HSD11B1: variants seen among roughly 807,000 people sequenced by gnomAD.
The protein encoded by HSD11B1 is hydroxysteroid 11-beta dehydrogenase 1.
A neutral mutation model predicts 22.1 loss-of-function variants in HSD11B1; 15 were observed. The observed-to-expected ratio is 0.68, with a 90% CI of 0.45 to 1.04. The LOEUF (loss-of-function observed/expected upper bound fraction) is 1.04, where lower values mean the gene tolerates loss of function less well. HSD11B1 is among the 50% of genes least tolerant of loss of function. The pLI, the probability that HSD11B1 is intolerant of heterozygous loss-of-function variation, is 0.00. For synonymous variants in HSD11B1, 122 were observed against 125.2 expected (o/e 0.97, Z 0.17); for missense variants, 281 against 357.6 (o/e 0.79, Z 1.73).
intron 4 of HSD11B1, among the ~76,000 whole-genome samples, chr1:209,728,782 T>C (rs923873677): frequency 6.6e-6 from 1 of 152,176 alleles, no homozygotes; most frequent in Non-Finnish European, 1.5e-5. Flanking sequence ...AAAAGAGGAT[T>C]GCTACTCTCA....
At chr1:209,716,451 C>T (rs912021900) in intron 4 of HSD11B1, among the ~76,000 whole-genome samples, 1 of 151,758 alleles carries the variant, frequency 6.6e-6, no homozygotes, top group East Asian at 1.9e-4. Context: ...GAAATATATC[C>T]CATGCTCATG....
At chr1:209,686,422 A>G (rs1332705225) in intron 1 of HSD11B1, 1 of 152,226 alleles carries the variant, frequency 6.6e-6, no homozygotes. Flanking sequence ...GGGCTAAAGA[A>G]AAATTTCAAT....
At chr1:209,688,107 G>T (rs1571861204) in intron 1 of HSD11B1, among the ~76,000 whole-genome samples, 1 of 152,222 alleles carries the variant, frequency 6.6e-6, no homozygotes, top group African/African-American at 2.4e-5. Context: ...GACATGGCTA[G>T]TTCAGTGACT....
chr1:209,730,539 G>A (rs901863952), intron 4 of HSD11B1, among the ~76,000 whole-genome samples: 1 of 152,216 alleles, frequency 6.6e-6, no homozygotes, highest in Admixed American at 6.5e-5. Flanking sequence ...AAAATCTCAG[G>A]GAGATGAGCA....
chr1:209,713,548 A>G (rs1020571380), intron 4 of HSD11B1, among the ~76,000 whole-genome samples: 2 of 152,216 alleles, frequency 1.3e-5, no homozygotes, highest in Non-Finnish European at 2.9e-5. Context: ...TCTTTTAAAT[A>G]TAATCATATA....
At chr1:209,709,789 G>A (rs1342873902) in intron 4 of HSD11B1, among the ~76,000 whole-genome samples, 1 of 152,172 alleles carries the variant, frequency 6.6e-6, no homozygotes, top group Non-Finnish European at 1.5e-5. Context: ...TATTCAAAGG[G>A]AACATGTGTC....
At chr1:209,732,235 T>C (rs979771468) in intron 4 of HSD11B1, among the ~76,000 whole-genome samples, 1 of 152,204 alleles carries the variant, frequency 6.6e-6, no homozygotes, top group African/African-American at 2.4e-5. Context: ...AAGGCTGTCC[T>C]GCAGCCCAAT....
chr1:209,689,813 T>C (rs1271909246), intron 1 of HSD11B1, among the ~76,000 whole-genome samples: 1 of 152,158 alleles, frequency 6.6e-6, no homozygotes, highest in Non-Finnish European at 1.5e-5. Context: ...CTTTAAAAAC[T>C]ACTCAGCTTC....
intron 4 of HSD11B1, among the ~76,000 whole-genome samples, chr1:209,707,392 G>A (rs1477644243): frequency 6.6e-6 from 1 of 152,038 alleles, no homozygotes; most frequent in East Asian, 1.9e-4. Flanking sequence ...GCCTGTCCTG[G>A]TCCTAAGGGA....
Position 209,730,675 on chromosome 1 carries a change from A to G in HSD11B1, c.518-1761A>G, listed in dbSNP as rs1253579486. 2.0e-5 allele frequency among the ~76,000 whole-genome samples: 3 copies of G among 152,352 alleles called. No homozygotes were observed. In the East Asian group the frequency reaches 5.8e-4, roughly 29 times the overall value. ...CATCTAGAATATTTTTTGCTATATG[A>G]CATAAAACAAAGAGTTAATTTTTTC... On this transcript the variant is annotated intron_variant, in intron 4 of 5. Transcript: ENST00000367027.
At chr1:209,699,886 A>C (rs984266072), upstream of HSD11B1, among the ~76,000 whole-genome samples, 10 of 152,210 alleles carry the variant, frequency 6.6e-5, no homozygotes, top group African/African-American at 2.2e-4. Flanking sequence ...GCAAGTCTAA[A>C]ATCCAAAGGG....
chr1:209,714,345 T>A (rs1359669384), intron 4 of HSD11B1, among the ~76,000 whole-genome samples: 1 of 152,242 alleles, frequency 6.6e-6, no homozygotes, highest in Non-Finnish European at 1.5e-5. Flanking sequence ...TGCTTGCCTC[T>A]GAAAGCTGTT....
intron 5 of HSD11B1, 123 bp downstream of exon 5, chr1:209,732,702 A>C: frequency 2.5e-6 from 2 of 809,788 alleles, no homozygotes; most frequent in Non-Finnish European, 4.2e-6. Context: ...GCACCCATTA[A>C]CTCGTCACTT....
At chr1:209,687,025 A>C (rs1195074319) in intron 1 of HSD11B1, among the ~76,000 whole-genome samples, 1 of 152,206 alleles carries the variant, frequency 6.6e-6, no homozygotes, top group Non-Finnish European at 1.5e-5. Flanking sequence ...GAAACCTGAC[A>C]GGAAAGGGAA....
intron 4 of HSD11B1, among the ~76,000 whole-genome samples, chr1:209,711,815 G>A (rs989302657): frequency 6.6e-6 from 1 of 152,042 alleles, no homozygotes; most frequent in South Asian, 2.1e-4. Flanking sequence ...GATTTATCTA[G>A]GAATTCAGTT....
At chr1:209,724,082 G>T (rs552606829) in intron 4 of HSD11B1, 1 of 152,524 alleles carries the variant, frequency 6.6e-6, no homozygotes, top group South Asian at 2.1e-4. Flanking sequence ...GAAGAGAAGG[G>T]ATGAGTCCTG....
At chr1:209,725,573 C>G (rs1558198506) in intron 4 of HSD11B1, among the ~76,000 whole-genome samples, 1 of 152,210 alleles carries the variant, frequency 6.6e-6, no homozygotes. Flanking sequence ...ACTGCTCACC[C>G]AGCTGTCATT....
chr1:209,716,745 A>G (rs2102384063), intron 4 of HSD11B1, among the ~76,000 whole-genome samples: 1 of 152,328 alleles, frequency 6.6e-6, no homozygotes, highest in South Asian at 2.1e-4. Context: ...GAACCCAGAA[A>G]TAAACCGATG....
intron 1 of HSD11B1, among the ~76,000 whole-genome samples, chr1:209,693,540 G>A (rs190773423): frequency 5.3e-5 from 8 of 152,182 alleles, no homozygotes; most frequent in South Asian, 4.1e-4. Flanking sequence ...CTACTTCCTC[G>A]ATTCTCAAAA....
Sources: allele counts gnomAD v4.1 joint callset (sites outside exome capture counted in the v4.1 genomes callset), GRCh38; gene constraint gnomAD v4.1.1; transcripts MANE v1.5; gene names NCBI Gene and HGNC (gene_info 2026-07-23, HGNC 2026-07-21).